KIAA1328: variants seen among roughly 807,000 people sequenced by gnomAD.
The protein encoded by KIAA1328 is KIAA1328.
KIAA1328 carries 52 observed loss-of-function variants against 68.1 expected under a neutral mutation model. The observed-to-expected ratio is 0.76, with a 90% CI of 0.61 to 0.96. The LOEUF is 0.96. KIAA1328 is among the 40% of genes least tolerant of loss of function. KIAA1328 has a pLI of 0.00. For missense variants in KIAA1328, 641 were observed against 677.6 expected, an observed-to-expected ratio of 0.95 and a Z score of 0.60; for synonymous variants, 232 against 239.4, an observed-to-expected ratio of 0.97 and a Z score of 0.28.
intron 1 of KIAA1328, among the ~76,000 whole-genome samples, chr18:36,831,392 C>CA (rs1349009108): frequency 6.6e-6 from 1 of 152,034 alleles, no homozygotes; most frequent in Non-Finnish European, 1.5e-5. Context: ...CGTTTTAGTA[C>CA]CTCATCTGTA....
chr18:36,949,273 A>T (rs899017489), intron 5 of KIAA1328, among the ~76,000 whole-genome samples: 3 of 152,240 alleles, frequency 2.0e-5, no homozygotes, highest in Non-Finnish European at 2.9e-5. Context: ...AGTTAGAAGC[A>T]AGAGAAAATG....
At chr18:37,154,405 C>T (rs1436077495) in intron 7 of KIAA1328, among the ~76,000 whole-genome samples, 2 of 152,152 alleles carry the variant, frequency 1.3e-5, no homozygotes, top group Non-Finnish European at 2.9e-5. Flanking sequence ...AGAGGAGTGC[C>T]AGCATTTTTC....
chr18:36,932,570 C>T (rs1270571889), intron 5 of KIAA1328, among the ~76,000 whole-genome samples: 1 of 152,170 alleles, frequency 6.6e-6, no homozygotes, highest in South Asian at 2.1e-4. Context: ...TTATAATTAC[C>T]TTGAAAGAGA....
intron 6 of KIAA1328, among the ~76,000 whole-genome samples, chr18:37,048,475 T>C (rs1325836242): frequency 6.6e-6 from 1 of 152,178 alleles, no homozygotes; most frequent in Non-Finnish European, 1.5e-5. Flanking sequence ...TATTATGTCT[T>C]ACAACCTGTC....
intron 4 of KIAA1328, among the ~76,000 whole-genome samples, chr18:36,851,110 A>G (rs1205447898): frequency 6.6e-6 from 1 of 152,072 alleles, no homozygotes; most frequent in Non-Finnish European, 1.5e-5. Flanking sequence ...GCTGTATTAC[A>G]TTGATTAATT....
At chr18:36,861,825 C>T (rs1331258643) in intron 4 of KIAA1328, among the ~76,000 whole-genome samples, 1 of 151,956 alleles carries the variant, frequency 6.6e-6, no homozygotes, top group East Asian at 1.9e-4. Context: ...TGCACCATCA[C>T]ACTCAACTAA....
intron 7 of KIAA1328, among the ~76,000 whole-genome samples, chr18:37,114,778 T>C (rs1180522224): frequency 1.3e-5 from 2 of 151,582 alleles, no homozygotes; most frequent in Non-Finnish European, 2.9e-5. Context: ...GCAAGACTAA[T>C]AAAGAAGAAA....
At chr18:36,879,050 G>C (rs2048240136) in intron 4 of KIAA1328, among the ~76,000 whole-genome samples, 1 of 152,164 alleles carries the variant, frequency 6.6e-6, no homozygotes, top group South Asian at 2.1e-4. Context: ...GTCCGGTTTT[G>C]TTGCCTTGCT....
chr18:37,212,785 A>C (rs1484695796), intron 9 of KIAA1328, among the ~76,000 whole-genome samples: 1 of 152,168 alleles, frequency 6.6e-6, no homozygotes, highest in Non-Finnish European at 1.5e-5. Flanking sequence ...CACTGGCACA[A>C]TCTTGGCTCA....
chr18:36,958,789 T>C (rs1353582297), intron 5 of KIAA1328, among the ~76,000 whole-genome samples: 1 of 152,164 alleles, frequency 6.6e-6, no homozygotes, highest in East Asian at 1.9e-4. Flanking sequence ...GGTTGTTTTT[T>C]CAAATTTAAA....
intron 5 of KIAA1328, among the ~76,000 whole-genome samples, chr18:36,901,314 TTGG>T (rs940888112): frequency 6.6e-6 from 1 of 152,046 alleles, no homozygotes. Context: ...TATGAGTCAC[TTGG>T]TGGGGGAGGC....
At chr18:37,087,944 A>G (rs1037739311) in intron 7 of KIAA1328, among the ~76,000 whole-genome samples, 2 of 152,198 alleles carry the variant, frequency 1.3e-5, no homozygotes, top group African/African-American at 4.8e-5. Context: ...CCTGGGGGAT[A>G]AACCTCCAGT....
chr18:37,079,491 T>TA (rs969701521), intron 7 of KIAA1328, among the ~76,000 whole-genome samples: 8 of 150,188 alleles, frequency 5.3e-5, no homozygotes, highest in Admixed American at 5.3e-4. Context: ...AATAATAAAA[T>TA]AAAATAAAAA....
intron 1 of KIAA1328, chr18:36,833,281 A>G (rs944543601): frequency 5.3e-5 from 8 of 152,180 alleles, no homozygotes; most frequent in African/African-American, 1.9e-4. Context: ...AGCTTCAATC[A>G]GAAGGTGACA....
intron 7 of KIAA1328, among the ~76,000 whole-genome samples, chr18:37,117,372 C>T (rs964777040): frequency 7.2e-5 from 11 of 152,158 alleles, no homozygotes; most frequent in Non-Finnish European, 1.5e-4. Context: ...AACCATCATT[C>T]TGAGCAAACT....
At chr18:37,216,007 T>G (rs893911599) in intron 9 of KIAA1328, among the ~76,000 whole-genome samples, 7 of 152,214 alleles carry the variant, frequency 4.6e-5, no homozygotes, top group Admixed American at 2.0e-4. Flanking sequence ...CCCTTTATCA[T>G]TTTTTATCGC....
chr18:37,180,491 CA>C (rs2059678895), intron 9 of KIAA1328, among the ~76,000 whole-genome samples: 1 of 152,122 alleles, frequency 6.6e-6, no homozygotes, highest in Non-Finnish European at 1.5e-5. Flanking sequence ...CTTACTTTAA[CA>C]TTGGAATTTG....
rs573550456 is a variant in KIAA1328 at position 37,055,494 on chromosome 18, G to T, written c.577-11396G>T. ...CTTCTAGCAAAATCTGCCAGCAGAG[G>T]AGAGTTAATTGCATGGGGGAAAATG... is the stretch of plus-strand genomic sequence containing the variant. On this transcript the variant is annotated intron_variant, in intron 6 of 9. Transcript: ENST00000280020. Among the ~76,000 whole-genome samples, 4 of 152,310 alleles carry T rather than the reference G, an allele frequency of 2.6e-5. No individual in the cohort carries two copies. The South Asian group carries it at 6.2e-4, about 24-fold the overall frequency.
At chr18:36,896,347 T>TA (rs1209796044) in intron 5 of KIAA1328, among the ~76,000 whole-genome samples, 1 of 152,148 alleles carries the variant, frequency 6.6e-6, no homozygotes, top group East Asian at 1.9e-4. Context: ...ATTTTATAAT[T>TA]AAAAAAATAG....
Sources: allele counts gnomAD v4.1 joint callset (sites outside exome capture counted in the v4.1 genomes callset), GRCh38; gene constraint gnomAD v4.1.1; transcripts MANE v1.5; gene names NCBI Gene and HGNC (gene_info 2026-07-23, HGNC 2026-07-21).